The following CDH12 variants were observed in gnomAD, a reference collection of about 807,000 sequenced individuals.
The protein encoded by CDH12 is cadherin 12, also known as cadherin-12.
Under a neutral mutation model 74.1 loss-of-function variants are expected in CDH12, and 41 were observed. The ratio of observed to expected loss-of-function variants is 0.55; its 90% CI spans 0.43 to 0.72. The LOEUF is 0.72. Ranked by LOEUF, CDH12 falls within the 30% of genes least tolerant of loss-of-function variation. The probability of loss-of-function intolerance (pLI) is 0.00; values close to 1 mark genes in which losing one functional copy is unlikely to be tolerated. For missense variants in CDH12, 945 were observed against 977.2 expected (o/e 0.97, Z 0.44); for synonymous variants, 399 against 355.0 (o/e 1.12, Z -1.39).
At chr5:21,802,492 C>A (rs1365902656) in intron 9 of CDH12, 72 bp from the exon 10 acceptor site, 1 of 1,303,270 alleles carries the variant, frequency 7.7e-7, no homozygotes, top group Non-Finnish European at 1.1e-6. Flanking sequence ...AACATTACTT[C>A]AGAGCAATTT....
chr5:22,327,759 C>T (rs1739182457), intron 3 of CDH12, among the ~76,000 whole-genome samples: 1 of 152,104 alleles, frequency 6.6e-6, no homozygotes, highest in Admixed American at 6.6e-5. Context: ...TACCCTGGAC[C>T]ACTTCCCTCT....
Position 21,783,438 on chromosome 5 carries a change from T to C in CDH12, c.1313A>G (p.Glu438Gly). Reference protein sequence around the residue: ...GDSYFTIDGNEGTIATNELLD... With the variant: ...GDSYFTIDGNGGTIATNELLD... ...TAATTCATTAGTGGCGATGGTTCCT[T>C]CATTTCCATCTATTGTAAAGTAGCT... The change falls in exon 11 of 15, where the codon GAA becomes GGA. Residue 438 changes from glutamate to glycine, a missense_variant. Glu to Gly is a moderately conservative substitution (Grantham distance 98). Around this residue, in one of 3 missense-constraint regions of CDH12, gnomAD observed 791 missense variants for 792.8 expected, o/e 1.00. Transcript: ENST00000382254. 1.9e-6 allele frequency: 3 copies of C among 1,605,570 alleles called. No homozygotes were observed. The highest frequency in any genetic ancestry group is 1.7e-6 in the Non-Finnish European group (2 of 1,172,228).
chr5:22,092,096 A>T (rs1271307848), intron 4 of CDH12, among the ~76,000 whole-genome samples: 1 of 151,884 alleles, frequency 6.6e-6, no homozygotes, highest in Non-Finnish European at 1.5e-5. Flanking sequence ...CCACATAAAA[A>T]TGACTTTTAT....
intron 2 of CDH12, among the ~76,000 whole-genome samples, chr5:22,439,605 G>A (rs1055991055): frequency 6.6e-6 from 1 of 151,968 alleles, no homozygotes; most frequent in African/African-American, 2.4e-5. Flanking sequence ...CTGAAGGTGT[G>A]GTATTCTTGA....
chr5:22,132,145 C>G (rs1295042795), intron 4 of CDH12, among the ~76,000 whole-genome samples: 1 of 151,886 alleles, frequency 6.6e-6, no homozygotes, highest in East Asian at 1.9e-4. Flanking sequence ...TATAGATAAA[C>G]ATAGATATAT....
chr5:22,503,872 T>G (rs1418070758), intron 2 of CDH12, among the ~76,000 whole-genome samples: 2 of 151,994 alleles, frequency 1.3e-5, no homozygotes, highest in African/African-American at 2.4e-5. Flanking sequence ...TGGCTTAGTA[T>G]CAATTATTCA....
intron 1 of CDH12, among the ~76,000 whole-genome samples, chr5:22,751,929 CAG>C (rs1745597443): frequency 6.6e-6 from 1 of 150,964 alleles, no homozygotes; most frequent in Non-Finnish European, 1.5e-5. Flanking sequence ...GCAGTATTCT[CAG>C]AGTATAGCCA....
intron 2 of CDH12, among the ~76,000 whole-genome samples, chr5:22,488,193 C>A (rs1177648885): frequency 6.6e-6 from 1 of 152,212 alleles, no homozygotes; most frequent in Non-Finnish European, 1.5e-5. Flanking sequence ...CAAACAAAAT[C>A]TGCCAATATT....
At chr5:22,075,070 A>T (rs1233283376) in intron 5 of CDH12, among the ~76,000 whole-genome samples, 1 of 152,136 alleles carries the variant, frequency 6.6e-6, no homozygotes, top group Non-Finnish European at 1.5e-5. Context: ...CAAATGTCCA[A>T]CAATGATAGA....
intron 1 of CDH12, among the ~76,000 whole-genome samples, chr5:22,722,024 T>G (rs1743923893): frequency 6.6e-6 from 1 of 152,124 alleles, no homozygotes; most frequent in South Asian, 2.1e-4. Context: ...GTACAGACAC[T>G]TCTAAATTGG....
chr5:21,980,574 A>G (rs1228120060), intron 5 of CDH12, among the ~76,000 whole-genome samples: 1 of 152,138 alleles, frequency 6.6e-6, no homozygotes, highest in Non-Finnish European at 1.5e-5. Context: ...GTTTATGCTC[A>G]TAACCATTCA....
At chr5:22,654,685 G>C (rs773239631) in intron 1 of CDH12, among the ~76,000 whole-genome samples, 1 of 151,230 alleles carries the variant, frequency 6.6e-6, no homozygotes, top group Non-Finnish European at 1.5e-5. Flanking sequence ...GCCTAGGCTG[G>C]AGTGCAATGT....
chr5:22,802,774 CA>C (rs1189139095), intron 1 of CDH12, among the ~76,000 whole-genome samples: 1 of 152,112 alleles, frequency 6.6e-6, no homozygotes, highest in African/African-American at 2.4e-5. Context: ...ACAATAGGCA[CA>C]AAGCCATAGT....
intron 1 of CDH12, among the ~76,000 whole-genome samples, chr5:22,822,635 C>T (rs903937492): frequency 6.6e-6 from 1 of 152,150 alleles, no homozygotes; most frequent in African/African-American, 2.4e-5. Context: ...TGAAAAAATG[C>T]TCATCATCAC....
chr5:22,510,257 T>G (rs1196161358), intron 1 of CDH12, among the ~76,000 whole-genome samples: 1 of 152,138 alleles, frequency 6.6e-6, no homozygotes, highest in African/African-American at 2.4e-5. Context: ...GAGGTGGTCC[T>G]ATGGGCCACC....
chr5:21,976,921 C>T (rs868756157), intron 5 of CDH12, among the ~76,000 whole-genome samples: 6 of 152,100 alleles, frequency 3.9e-5, no homozygotes, highest in Middle Eastern at 3.4e-3. Context: ...ATTAAAAGCA[C>T]AAATATAGCC....
At chr5:22,261,200 C>T (rs2150393784) in intron 3 of CDH12, among the ~76,000 whole-genome samples, 1 of 151,648 alleles carries the variant, frequency 6.6e-6, no homozygotes, top group East Asian at 1.9e-4. Flanking sequence ...GCAATAGACA[C>T]ATACAAAATA....
Position 22,430,393 on chromosome 5 carries a change from TAA to T in CDH12, c.-427-25044_-427-25043del, listed in dbSNP as rs139604955. Among the ~76,000 whole-genome samples, 203 of 149,178 alleles carry T rather than the reference TAA, an allele frequency of 1.4e-3. 1 individual carries two copies. The highest frequency in any genetic ancestry group is 4.8e-3 in the African/African-American group (195 of 40,778). ...GCTACATAGTACCCATAAAACAGAG[TAA>T]AAAAAAAATCACATATAAATATTTG... On this transcript the variant is annotated intron_variant, in intron 2 of 14. Transcript: ENST00000382254.
intron 4 of CDH12, among the ~76,000 whole-genome samples, chr5:22,123,637 T>C (rs976967130): frequency 6.6e-6 from 1 of 152,234 alleles, no homozygotes; most frequent in Non-Finnish European, 1.5e-5. Context: ...ATTTTTGTTT[T>C]TTCCTTATTC....
Sources: allele counts gnomAD v4.1 joint callset (sites outside exome capture counted in the v4.1 genomes callset), GRCh38; gene constraint gnomAD v4.1.1; regional missense constraint gnomAD v4.1.1; transcripts MANE v1.5; gene names NCBI Gene and HGNC (gene_info 2026-07-23, HGNC 2026-07-21).